Variants in GRIK4 observed in about 807,000 individuals in gnomAD.
GRIK4 encodes the protein glutamate ionotropic receptor kainate type subunit 4.
Under a neutral mutation model 104.9 loss-of-function variants are expected in GRIK4, and 40 were observed. The observed-to-expected ratio is 0.38, with a 90% CI of 0.30 to 0.50. The LOEUF (loss-of-function observed/expected upper bound fraction) is 0.50. GRIK4 is among the 20% of genes least tolerant of loss of function. GRIK4 has a pLI of 0.93. For missense variants in GRIK4, 1,047 were observed against 1,308.1 expected (o/e 0.80, Z 3.08); for synonymous variants, 485 against 524.9 (o/e 0.92, Z 1.04).
At chr11:120,669,498 T>C (rs1949977816) in intron 3 of GRIK4, among the ~76,000 whole-genome samples, 1 of 152,106 alleles carries the variant, frequency 6.6e-6, no homozygotes, top group South Asian at 2.1e-4. Flanking sequence ...TTTCCTCTCC[T>C]CTCTCTCTTT....
At chr11:120,848,381 G>A (rs1260089069) in intron 8 of GRIK4, among the ~76,000 whole-genome samples, 1 of 152,172 alleles carries the variant, frequency 6.6e-6, no homozygotes, top group Non-Finnish European at 1.5e-5. Context: ...AGTACCTAGC[G>A]CAGGCTCTGG....
intron 13 of GRIK4, among the ~76,000 whole-genome samples, chr11:120,923,444 A>G (rs145136452): frequency 0.076 from 8,988 of 118,548 alleles, 511 homozygotes; most frequent in African/African-American, 0.18. Flanking sequence ...ACGGAGTCTC[A>G]CTCAGTCGCC....
intron 8 of GRIK4, among the ~76,000 whole-genome samples, chr11:120,837,271 G>A (rs1469503776): frequency 6.6e-6 from 1 of 152,182 alleles, no homozygotes; most frequent in African/African-American, 2.4e-5. Context: ...CGGTGTCTAT[G>A]AACAGTCCTT....
intron 6 of GRIK4, among the ~76,000 whole-genome samples, chr11:120,827,895 A>C (rs12275938): frequency 0.05 from 7,579 of 152,210 alleles, 627 homozygotes; most frequent in African/African-American, 0.17. Context: ...CTGCATCATA[A>C]AGGAAGAGTT....
intron 3 of GRIK4, among the ~76,000 whole-genome samples, chr11:120,774,605 C>T (rs757932865): frequency 6.6e-6 from 1 of 152,198 alleles, no homozygotes; most frequent in Non-Finnish European, 1.5e-5. Context: ...CACCCAAAGT[C>T]TACTGATTTA....
chr11:120,805,181 A>G lies in GRIK4; in HGVS notation c.247+2324A>G, dbSNP rs1470451692. Among the ~76,000 whole-genome samples the G allele has an allele frequency of 3.3e-5, 5 of 152,226 alleles. No individual in the cohort carries two copies. In the East Asian group the frequency reaches 7.7e-4, roughly 23 times the overall value. On this transcript the variant is annotated intron_variant, in intron 4 of 20. Transcript: ENST00000527524. ...GCAAATGAAATCAGAAATGCCAGCA[A>G]CAACTCCTTGTGAACCCCCAGTCCA...
chr11:120,923,635 G>C (rs2134577637), intron 13 of GRIK4, among the ~76,000 whole-genome samples: 1 of 152,082 alleles, frequency 6.6e-6, no homozygotes, highest in African/African-American at 2.4e-5. Context: ...GGATGGTCTC[G>C]ATCTCCTGAC....
chr11:120,645,916 G>A (rs1159611993), intron 1 of GRIK4, among the ~76,000 whole-genome samples: 1 of 152,218 alleles, frequency 6.6e-6, no homozygotes, highest in African/African-American at 2.4e-5. Flanking sequence ...AGCACAGCAG[G>A]TGGGCCTTGT....
At chr11:120,704,279 G>A (rs1950595832) in intron 3 of GRIK4, among the ~76,000 whole-genome samples, 1 of 152,186 alleles carries the variant, frequency 6.6e-6, no homozygotes, top group African/African-American at 2.4e-5. Flanking sequence ...GGCAAATGGG[G>A]ATTGTATTTT....
intron 3 of GRIK4, among the ~76,000 whole-genome samples, chr11:120,741,097 T>A (rs1266454979): frequency 6.6e-6 from 1 of 152,096 alleles, no homozygotes; most frequent in African/African-American, 2.4e-5. Flanking sequence ...GTGTAATTGC[T>A]AGCACTGAGA....
intron 3 of GRIK4, among the ~76,000 whole-genome samples, chr11:120,665,980 T>C (rs924186857): frequency 6.6e-6 from 1 of 152,184 alleles, no homozygotes; most frequent in African/African-American, 2.4e-5. Context: ...GCACTGTAAC[T>C]TCATCTGTAA....
intron 3 of GRIK4, among the ~76,000 whole-genome samples, chr11:120,778,718 A>C (rs1476914429): frequency 6.6e-6 from 1 of 152,236 alleles, no homozygotes; most frequent in East Asian, 1.9e-4. Context: ...AGCTGAGGTC[A>C]CATTTGCAGC....
At chr11:120,818,735 G>A (rs1315357509) in intron 5 of GRIK4, among the ~76,000 whole-genome samples, 1 of 152,180 alleles carries the variant, frequency 6.6e-6, no homozygotes, top group Non-Finnish European at 1.5e-5. Context: ...GCCAGAGCAG[G>A]CAGAGACAAT....
At chr11:120,667,462 G>A (rs768344883) in intron 3 of GRIK4, among the ~76,000 whole-genome samples, 5 of 152,272 alleles carry the variant, frequency 3.3e-5, no homozygotes, top group East Asian at 1.9e-4. Flanking sequence ...GGCGGGACGC[G>A]TGCGTGTGCA....
intron 1 of GRIK4, among the ~76,000 whole-genome samples, chr11:120,536,468 G>A (rs549238302): frequency 6.6e-6 from 1 of 152,354 alleles, no homozygotes. Context: ...GGTGGATGCG[G>A]AGCTGGTTGA....
Position 120,819,738 on chromosome 11 carries a change from T to A in GRIK4, c.346-17T>A. ...ACCTGGATCCTCCCTGCTGTCCGTT[T>A]TTGCTCCTCTTGCCAGGTCCCTCAC... is the stretch of plus-strand genomic sequence containing the variant. On this transcript the variant is annotated splice_polypyrimidine_tract_variant and intron_variant, in intron 5 of 20. Transcript: ENST00000527524. The surrounding 1 kb of genome is among the most constrained non-coding windows in gnomAD (Gnocchi z 4.3). The A allele has an allele frequency of 6.2e-7, 1 of 1,613,664 alleles. No individual in the cohort carries two copies. The highest frequency in any genetic ancestry group is 8.5e-7 in the Non-Finnish European group (1 of 1,179,590).
chr11:120,571,403 C>T (rs566952789), intron 1 of GRIK4, among the ~76,000 whole-genome samples: 1 of 152,268 alleles, frequency 6.6e-6, no homozygotes, highest in East Asian at 1.9e-4. Context: ...GGCTGGATCT[C>T]CCGTTTTCTG....
intron 1 of GRIK4, among the ~76,000 whole-genome samples, chr11:120,530,347 C>A (rs1947910572): frequency 6.6e-6 from 1 of 152,074 alleles, no homozygotes; most frequent in African/African-American, 2.4e-5. Context: ...GACAGGAGCC[C>A]AAGCTATTGC....
rs1215331987 is a variant in GRIK4, at chr11:120,908,458, C to CAA, written c.1476+2966_1476+2967insAA. 4.0e-3 allele frequency among the ~76,000 whole-genome samples: 552 copies of CAA among 139,318 alleles called. 3 individuals are homozygous for CAA. The highest frequency in any genetic ancestry group is 0.011 in the African/African-American group (410 of 38,424). The allele number at this position is 139,318 out of a possible 152,430, so 91.4% of individuals were successfully genotyped here. The stretch of plus-strand genomic sequence containing the variant: ...ACACATACACACACACACACACACA[C>CAA]ACAGAGAGATTGAGAATTTGGCATA... On this transcript the variant is annotated intron_variant, in intron 13 of 20. Coordinates refer to ENST00000527524, the MANE Select transcript of GRIK4 (RefSeq NM_014619.5).
Sources: gnomAD v4.1 joint callset for allele counts (sites outside exome capture counted in the v4.1 genomes callset) on GRCh38, gnomAD v4.1.1 for gene constraint, Gnocchi (gnomAD v3.1) non-coding constraint, MANE v1.5 for transcripts, NCBI Gene and HGNC (gene_info 2026-07-23, HGNC 2026-07-21) for gene names.